Variants in RBMS1 observed in about 807,000 individuals in gnomAD.
The protein encoded by RBMS1 is RNA binding motif single stranded interacting protein 1.
In RBMS1, 17 loss-of-function variants were observed where a neutral mutation model predicts 62.3. The ratio of observed to expected loss-of-function variants is 0.27; its 90% CI spans 0.19 to 0.41. The LOEUF (loss-of-function observed/expected upper bound fraction) is 0.41. RBMS1 is among the 10% of genes least tolerant of loss of function. The pLI, the probability that RBMS1 is intolerant of heterozygous loss-of-function variation, is 1.00. For synonymous variants in RBMS1, 172 were observed against 170.0 expected, an observed-to-expected ratio of 1.01 and a Z score of -0.09; for missense variants, 334 against 504.5, an observed-to-expected ratio of 0.66 and a Z score of 3.24.
intron 3 of RBMS1, 85 bp from the exon 4 acceptor site, chr2:160,313,332 G>A (rs1690037419): frequency 7.6e-7 from 1 of 1,315,206 alleles, no homozygotes; most frequent in East Asian, 2.5e-5. Context: ...CTTTGTTTCT[G>A]GTGTGGGCAA....
intron 1 of RBMS1, among the ~76,000 whole-genome samples, chr2:160,468,328 A>G (rs969057047): frequency 1.3e-5 from 2 of 152,292 alleles, no homozygotes; most frequent in East Asian, 1.9e-4. Context: ...CTCATTAACA[A>G]TATCTCTGAG....
At chr2:160,451,499 T>G (rs1166643426) in intron 1 of RBMS1, among the ~76,000 whole-genome samples, 1 of 152,242 alleles carries the variant, frequency 6.6e-6, no homozygotes, top group Admixed American at 6.5e-5. Context: ...ATTTATCATT[T>G]TGGTAGTAAA....
intron 1 of RBMS1, among the ~76,000 whole-genome samples, chr2:160,372,649 C>T (rs1290279211): frequency 1.3e-5 from 2 of 152,166 alleles, no homozygotes; most frequent in Non-Finnish European, 1.5e-5. Flanking sequence ...ATGAGGGGGG[C>T]CCCCACATGG....
Position 160,476,551 on chromosome 2 carries a change from C to CTTT in RBMS1, c.75+16735_75+16737dup, listed in dbSNP as rs755429434. On this transcript the variant is annotated intron_variant, in intron 1 of 13. Transcript: ENST00000348849. The stretch of plus-strand genomic sequence containing the variant: ...GCACAAAACTGAACAAAACACACTT[C>CTTT]TTTTTTTTTTTTTTTTTTTTTGAGA... 3.8e-3 allele frequency among the ~76,000 whole-genome samples: 419 copies of CTTT among 111,240 alleles called. 8 individuals are homozygous for CTTT. Among genetic ancestry groups the CTTT allele is most frequent in the East Asian group, 9.6e-3 (32 of 3,326 alleles). The allele number at this position is 111,240 out of a possible 152,430, so 73.0% of individuals were successfully genotyped here.
At chr2:160,440,044 G>A (rs1177264210) in intron 1 of RBMS1, among the ~76,000 whole-genome samples, 1 of 147,404 alleles carries the variant, frequency 6.8e-6, no homozygotes, top group Non-Finnish European at 1.5e-5. Flanking sequence ...GGGAGACCGT[G>A]GAAAGAGAGG....
At chr2:160,339,658 T>G (rs1026720856) in intron 2 of RBMS1, among the ~76,000 whole-genome samples, 3 of 152,098 alleles carry the variant, frequency 2.0e-5, no homozygotes, top group African/African-American at 7.2e-5. Flanking sequence ...TTCCCCATAC[T>G]GACATACATC....
chr2:160,331,432 C>T (rs556873097), intron 2 of RBMS1, among the ~76,000 whole-genome samples: 2 of 152,278 alleles, frequency 1.3e-5, no homozygotes, highest in East Asian at 3.9e-4. Flanking sequence ...ATCCTGTCCA[C>T]GCAGCATCTT....
chr2:160,372,103 T>C (rs1241175166), intron 1 of RBMS1, among the ~76,000 whole-genome samples: 2 of 152,210 alleles, frequency 1.3e-5, no homozygotes, highest in African/African-American at 4.8e-5. Flanking sequence ...TAAAATTCTA[T>C]TGTCTCATTT....
intron 6 of RBMS1, among the ~76,000 whole-genome samples, chr2:160,291,917 T>C (rs1419611854): frequency 6.6e-6 from 1 of 152,230 alleles, no homozygotes; most frequent in Non-Finnish European, 1.5e-5. Flanking sequence ...TTTAATTTTC[T>C]ATATTTACTA....
intron 9 of RBMS1, chr2:160,282,222 G>A (rs1688136842): frequency 7.3e-7 from 1 of 1,362,732 alleles, no homozygotes; most frequent in Admixed American, 1.9e-5. Flanking sequence ...AGGATATGGG[G>A]AAGAGTCATG....
In RBMS1 at chr2:160,272,785, T is replaced by C. The variant is rs1687646809; in HGVS notation, c.*1987A>G. 1 of 152,222 alleles carries C rather than the reference T, an allele frequency of 6.6e-6. No individual in the cohort carries two copies. Among genetic ancestry groups the C allele is most frequent in the African/African-American group, 2.4e-5 (1 of 41,456 alleles). The allele number at this position is 152,222 out of a possible 1,614,324, so 9.4% of individuals were successfully genotyped here. ...AACAAAAACAAAAACACATTTCTCT[T>C]ATGACTATGTAATTTTCACTAGAAT... On this transcript the variant is annotated 3_prime_UTR_variant, in exon 14 of 14. Transcript: ENST00000348849.
At chr2:160,445,239 C>T (rs931651944) in intron 1 of RBMS1, among the ~76,000 whole-genome samples, 15 of 152,132 alleles carry the variant, frequency 9.9e-5, no homozygotes, top group Non-Finnish European at 2.1e-4. Flanking sequence ...CACATCAATA[C>T]ATGCAGGTTA....
intron 3 of RBMS1, among the ~76,000 whole-genome samples, chr2:160,315,816 G>T (rs954777545): frequency 5.9e-5 from 9 of 152,278 alleles, no homozygotes; most frequent in Non-Finnish European, 1.3e-4. Context: ...AACTTTGAGA[G>T]AAACTGAAAT....
intron 2 of RBMS1, among the ~76,000 whole-genome samples, chr2:160,361,652 C>T (rs577386370): frequency 1.1e-4 from 17 of 152,184 alleles, no homozygotes; most frequent in Admixed American, 5.9e-4. Context: ...GTGTGCATAC[C>T]GTAATTTAAA....
chr2:160,305,396 T>C (rs1292474037), intron 4 of RBMS1, among the ~76,000 whole-genome samples: 1 of 152,208 alleles, frequency 6.6e-6, no homozygotes, highest in Non-Finnish European at 1.5e-5. Flanking sequence ...ATACTTATCA[T>C]TGTATTATAA....
At chr2:160,376,490 C>T (rs1694006452) in intron 1 of RBMS1, among the ~76,000 whole-genome samples, 1 of 152,052 alleles carries the variant, frequency 6.6e-6, no homozygotes. Flanking sequence ...TATAACTCAA[C>T]AATACTGTCT....
chr2:160,460,689 C>T (rs1339581602), intron 1 of RBMS1, among the ~76,000 whole-genome samples: 1 of 152,194 alleles, frequency 6.6e-6, no homozygotes, highest in Non-Finnish European at 1.5e-5. Flanking sequence ...GCCCTTGAGT[C>T]AACTTATTCT....
intron 1 of RBMS1, among the ~76,000 whole-genome samples, chr2:160,426,285 G>GA (rs71338179): frequency 2.2e-3 from 221 of 99,850 alleles, no homozygotes; most frequent in East Asian, 7.4e-3. Flanking sequence ...AAGAAAGAAA[G>GA]AAAGAAAAGA....
intron 2 of RBMS1, among the ~76,000 whole-genome samples, chr2:160,324,907 T>TATATATACAC (rs1321182985): frequency 1.2e-3 from 129 of 106,752 alleles, no homozygotes; most frequent in African/African-American, 4.7e-3. Context: ...TATATATATA[T>TATATATACAC]ACACACACAC....
Sources: gnomAD v4.1 joint callset for allele counts (sites outside exome capture counted in the v4.1 genomes callset) on GRCh38, gnomAD v4.1.1 for gene constraint, MANE v1.5 for transcripts, NCBI Gene and HGNC (gene_info 2026-07-23, HGNC 2026-07-21) for gene names.